Variants in STAC2 observed in about 807,000 individuals in gnomAD.
The protein encoded by STAC2 is SH3 and cysteine rich domain 2, also known as SH3 and cysteine-rich domain-containing protein 2.
A neutral mutation model predicts 49.0 loss-of-function variants in STAC2; 36 were observed. The observed-to-expected ratio is 0.74, with a 90% CI of 0.56 to 0.97. STAC2 has a LOEUF of 0.97. Ranked by LOEUF, STAC2 falls within the 50% of genes least tolerant of loss-of-function variation. The pLI is 0.00. For synonymous variants in STAC2, 239 were observed against 214.7 expected (o/e 1.11, Z -0.99); for missense variants, 527 against 543.8 (o/e 0.97, Z 0.31).
At chr17:39,222,924 C>T (rs887076498) in intron 1 of STAC2, among the ~76,000 whole-genome samples, 2 of 152,174 alleles carry the variant, frequency 1.3e-5, no homozygotes, top group Admixed American at 1.3e-4. Context: ...CACAAGCTGA[C>T]TCACAGCAGA....
rs2046391275 is a variant in STAC2 at position 39,215,151 on chromosome 17, G to A, written c.666C>T (p.Phe222=). Reference sequence around the variant, plus strand: ...TTGTCGGGGACTCAGAGGTGCTGCTGAAACTGGAGCGGTTCATCAGTGCCA... The same window carrying A: ...TTGTCGGGGACTCAGAGGTGCTGCTAAAACTGGAGCGGTTCATCAGTGCCA... ...TSLALMNRSS[F]SSTSESPTRS... Residue 222 remains phenylalanine (F), a synonymous_variant, in exon 5 of 11, where the codon TTC becomes TTT. Transcript: ENST00000333461. The A allele has an allele frequency of 6.2e-7, 1 of 1,614,060 alleles. No individual in the cohort carries two copies.
intron 7 of STAC2, 191 bp from the exon 8 acceptor site, chr17:39,214,521 G>C: frequency 1.1e-6 from 1 of 933,412 alleles, no homozygotes; most frequent in Non-Finnish European, 1.3e-6. Flanking sequence ...CGGGAATGGA[G>C]AGGGGAGCCC....
At chr17:39,216,777 G>A in intron 4 of STAC2, 33 bp downstream of exon 4, 1 of 1,544,772 alleles carries the variant, frequency 6.5e-7, no homozygotes, top group East Asian at 2.4e-5. Flanking sequence ...CACCACAATG[G>A]GAGCAGGGAC....
At chr17:39,221,618 GA>G (rs1278363157) in intron 1 of STAC2, among the ~76,000 whole-genome samples, 4 of 152,196 alleles carry the variant, frequency 2.6e-5, no homozygotes, top group African/African-American at 9.7e-5. Context: ...ACTTACCCAG[GA>G]GTCCTCAGCT....
Position 39,217,117 on chromosome 17 carries a change from A to G in STAC2, c.454T>C (p.Cys152Arg), listed in dbSNP as rs1266328118. The G allele has an allele frequency of 1.2e-6, 2 of 1,613,906 alleles. No homozygotes were observed. Among genetic ancestry groups the G allele is most frequent in the Admixed American group, 1.7e-5 (1 of 60,004 alleles). ...KMCKVSVHLW[C>R]SEEISHQQCP... Reference sequence around the variant, plus strand: ...TGCTGGTGGGAGATCTCCTCAGAGCACCAGAGGTGGACGCTGACTTTGCAC... The same window carrying G: ...TGCTGGTGGGAGATCTCCTCAGAGCGCCAGAGGTGGACGCTGACTTTGCAC... Residue 152 changes from cysteine to arginine, a missense_variant, in exon 3 of 11, where the codon TGC (cysteine) becomes CGC (arginine). Physicochemically the swap from Cys to Arg is radical, Grantham distance 180. Coordinates refer to ENST00000333461, the MANE Select transcript of STAC2 (RefSeq NM_198993.5).
At chr17:39,224,930 A>G (rs1328735492) in intron 1 of STAC2, among the ~76,000 whole-genome samples, 1 of 152,134 alleles carries the variant, frequency 6.6e-6, no homozygotes, top group Non-Finnish European at 1.5e-5. Context: ...GCGGAGATAA[A>G]CACCCGGAGA....
At chr17:39,217,235 C>T in intron 2 of STAC2, 62 bp from the exon 3 acceptor site, 2 of 1,523,712 alleles carry the variant, frequency 1.3e-6, no homozygotes, top group East Asian at 2.3e-5. Flanking sequence ...AAAGGAGGGG[C>T]ACATTAGGGG....
chr17:39,225,384 G>C lies in STAC2; in HGVS notation c.90+29C>G. ...GGAAGAGGGCGCCCGGGCCCGGGGC[G>C]CGGACAGGCCTTGCGCCCCCCAAGT... is the stretch of plus-strand genomic sequence containing the variant. On this transcript the variant is annotated intron_variant, in intron 1 of 10. Coordinates refer to ENST00000333461, the MANE Select transcript of STAC2 (RefSeq NM_198993.5). This position sits in a 1 kb window ranked among gnomAD's most constrained non-coding sequence, Gnocchi z 8.2. The C allele has an allele frequency of 6.4e-7, 1 of 1,570,334 alleles. No homozygotes were observed.
At chr17:39,217,609 G>A (rs192207110) in intron 2 of STAC2, among the ~76,000 whole-genome samples, 1 of 152,282 alleles carries the variant, frequency 6.6e-6, no homozygotes, top group Non-Finnish European at 1.5e-5. Flanking sequence ...TGCAGTCCCA[G>A]CTACTACAGA....
At chr17:39,220,904 C>T (rs1303810279) in intron 1 of STAC2, among the ~76,000 whole-genome samples, 2 of 152,012 alleles carry the variant, frequency 1.3e-5, no homozygotes, top group African/African-American at 4.8e-5. Flanking sequence ...ACACGCCATT[C>T]TCCTGCCTCA....
chr17:39,212,031 G>GTA lies in STAC2; in HGVS notation c.*260_*261insTA. ...AGACTGGGGTGCCTGGGCGTTGGGT[G>GTA]GACCTACCTGTAGCTTCCTCATTCC... On this transcript the variant is annotated 3_prime_UTR_variant, in exon 11 of 11. Transcript: ENST00000333461. 2.5e-6 allele frequency: 1 copy of GTA among 395,458 alleles called. No individual in the cohort carries two copies. The highest frequency in any genetic ancestry group is 4.6e-6 in the Non-Finnish European group (1 of 218,196). The allele number at this position is 395,458 out of a possible 1,614,324, so 24.5% of individuals were successfully genotyped here.
chr17:39,216,903 A>C lies in STAC2; in HGVS notation c.496-3T>G, dbSNP rs1284530327. The C allele has an allele frequency of 3.8e-6, 6 of 1,598,476 alleles. No individual in the cohort carries two copies. The highest frequency in any genetic ancestry group is 5.1e-6 in the Non-Finnish European group (6 of 1,172,406). ...AAGTTGCGGCGGAAGGAGGTGGACT[A>C]TGGCAAGAGAGGGCAGAGAGGTTTT... On this transcript the variant is annotated splice_polypyrimidine_tract_variant and splice_region_variant and intron_variant, in intron 3 of 10. Coordinates refer to ENST00000333461, the MANE Select transcript of STAC2 (RefSeq NM_198993.5).
intron 8 of STAC2, 94 bp downstream of exon 8, chr17:39,214,139 T>C: frequency 1.4e-6 from 2 of 1,397,682 alleles, no homozygotes; most frequent in Non-Finnish European, 2.0e-6. Context: ...GCCTCAAGCA[T>C]GCAAGAAGGT....
intron 9 of STAC2, 37 bp downstream of exon 9, chr17:39,213,470 T>C (rs376962733): frequency 1.9e-6 from 3 of 1,612,018 alleles, no homozygotes; most frequent in Non-Finnish European, 2.5e-6. Context: ...CTGGGGTGCC[T>C]ACCAGTGTCC....
chr17:39,212,919 C>T (rs893563133), intron 10 of STAC2, 76 bp downstream of exon 10: 1 of 1,576,782 alleles, frequency 6.3e-7, no homozygotes, highest in Non-Finnish European at 8.6e-7. Context: ...GAGCATTTAC[C>T]CCCGCACCGC....
intron 7 of STAC2, 100 bp from the exon 8 acceptor site, chr17:39,214,430 C>T: frequency 6.4e-7 from 1 of 1,566,132 alleles, no homozygotes; most frequent in Non-Finnish European, 8.6e-7. Context: ...TGTGAGGGGA[C>T]ACAGTGAGTC....
rs1391759089 is a variant in STAC2 at position 39,212,144 on chromosome 17, A to G, written c.*148T>C. 5 of 551,098 alleles carry G rather than the reference A, an allele frequency of 9.1e-6. No homozygotes were observed. In the East Asian group the frequency reaches 1.7e-4, roughly 19 times the overall value. 34.1% of individuals were successfully genotyped at this position (551,098 alleles called of 1,614,324 possible). Reference sequence around the variant, plus strand: ...AAGAAATAAAATCTTCCCCAGTACAAAAGGCTCCTAAGCCACGGTAAGTGG... The same window carrying G: ...AAGAAATAAAATCTTCCCCAGTACAGAAGGCTCCTAAGCCACGGTAAGTGG... On this transcript the variant is annotated 3_prime_UTR_variant, in exon 11 of 11. Transcript: ENST00000333461.
intron 4 of STAC2, among the ~76,000 whole-genome samples, chr17:39,215,493 G>A (rs1378291450): frequency 6.6e-6 from 1 of 152,154 alleles, no homozygotes; most frequent in East Asian, 1.9e-4. Context: ...CTATCCACAT[G>A]TCTCCATCAC....
At chr17:39,213,366 G>C in intron 9 of STAC2, 141 bp downstream of exon 9, 1 of 1,228,450 alleles carries the variant, frequency 8.1e-7, no homozygotes, top group Admixed American at 2.2e-5. Flanking sequence ...CCAAGGGTTG[G>C]TCCTAGTTTT....
Sources: gnomAD v4.1 joint callset for allele counts (sites outside exome capture counted in the v4.1 genomes callset) on GRCh38, gnomAD v4.1.1 for gene constraint, Gnocchi (gnomAD v3.1) non-coding constraint, MANE v1.5 for transcripts, NCBI Gene and HGNC (gene_info 2026-07-23, HGNC 2026-07-21) for gene names.